Variants in SPIDR observed in about 807,000 individuals in gnomAD.
SPIDR encodes DNA repair-scaffolding protein.
Under a neutral mutation model 104.6 loss-of-function variants are expected in SPIDR, and 93 were observed. The ratio of observed to expected loss-of-function variants is 0.89; its 90% confidence interval spans 0.75 to 1.06. SPIDR has a LOEUF of 1.06. Among genes scored for constraint, SPIDR ranks in the 50% least tolerant of loss-of-function variants. The probability of loss-of-function intolerance (pLI) is 0.00; values close to 1 mark genes in which losing one functional copy is unlikely to be tolerated. For synonymous variants in SPIDR, 431 were observed against 416.9 expected (o/e 1.03, Z -0.41); for missense variants, 1,154 against 1,111.2 (o/e 1.04, Z -0.55).
intron 10 of SPIDR, among the ~76,000 whole-genome samples, chr8:47,617,085 C>T (rs1040819081): frequency 1.3e-5 from 2 of 152,030 alleles, no homozygotes; most frequent in South Asian, 4.1e-4. Context: ...AAAAGATTGC[C>T]TACATAAAAT....
Position 47,720,294 on chromosome 8 carries a change from G to A in SPIDR, c.2341+6653G>A, listed in dbSNP as rs77424851. Among the ~76,000 whole-genome samples, 1,721 of 152,322 alleles carry A rather than the reference G, an allele frequency of 0.011. 76 individuals are homozygous for A. In the East Asian group the frequency reaches 0.13, roughly 12 times the overall value. ...AATTATTAATGAGGCTGCAATAGAC[G>A]TTTGTGAAGGTTTTTGTGTGGGCAT... is the stretch of plus-strand genomic sequence containing the variant. On this transcript the variant is annotated intron_variant, in intron 16 of 19. Coordinates refer to ENST00000297423, the MANE Select transcript of SPIDR (RefSeq NM_001080394.4).
intron 8 of SPIDR, among the ~76,000 whole-genome samples, chr8:47,537,859 A>T (rs980331386): frequency 1.3e-5 from 2 of 152,166 alleles, no homozygotes; most frequent in African/African-American, 4.8e-5. Flanking sequence ...TACTCTAAAA[A>T]TTAGTATATT....
At chr8:47,542,897 A>G (rs1471231145) in intron 8 of SPIDR, among the ~76,000 whole-genome samples, 1 of 152,138 alleles carries the variant, frequency 6.6e-6, no homozygotes, top group Non-Finnish European at 1.5e-5. Context: ...TTATGTTCTT[A>G]TTATTTTGCA....
At chr8:47,448,602 A>AATT (rs1283830708) in intron 8 of SPIDR, among the ~76,000 whole-genome samples, 1 of 152,124 alleles carries the variant, frequency 6.6e-6, no homozygotes, top group Non-Finnish European at 1.5e-5. Context: ...TTGAGGAGGT[A>AATT]AGCACAGCCA....
At chr8:47,281,580 G>T (rs2037787815) in intron 2 of SPIDR, among the ~76,000 whole-genome samples, 2 of 152,238 alleles carry the variant, frequency 1.3e-5, no homozygotes, top group African/African-American at 4.8e-5. Context: ...TCATTGGTAA[G>T]AAGTAACTCT....
At chr8:47,470,662 C>T (rs980995767) in intron 8 of SPIDR, among the ~76,000 whole-genome samples, 1 of 152,174 alleles carries the variant, frequency 6.6e-6, no homozygotes. Context: ...TTGGAAATCC[C>T]TGTGCAAATT....
intron 5 of SPIDR, among the ~76,000 whole-genome samples, chr8:47,322,040 G>C (rs1433082810): frequency 6.6e-6 from 1 of 152,132 alleles, no homozygotes; most frequent in Admixed American, 6.5e-5. Flanking sequence ...CATGGGCAAG[G>C]ACTTCGTGTC....
chr8:47,704,171 T>A (rs959798389), intron 14 of SPIDR, among the ~76,000 whole-genome samples: 1 of 152,168 alleles, frequency 6.6e-6, no homozygotes, highest in Non-Finnish European at 1.5e-5. Flanking sequence ...GCACATAGAG[T>A]CTTGCCCACA....
At position 47,554,857 on chromosome 8, in the gene SPIDR, T is replaced by TC. The variant is rs1432802439; in HGVS notation, c.1098-40952dup. On this transcript the variant is annotated intron_variant, in intron 8 of 19. Coordinates refer to ENST00000297423, the MANE Select transcript of SPIDR (RefSeq NM_001080394.4). ...GCTTGGAGCTGTAGACTGGAGCTGT[T>TC]CCTATTCAGCCATCTTGGAACCTCC... is the stretch of plus-strand genomic sequence containing the variant. Among the ~76,000 whole-genome samples the TC allele has an allele frequency of 5.3e-5, 8 of 152,332 alleles. No individual in the cohort carries two copies. In the South Asian group the frequency reaches 1.7e-3, roughly 32 times the overall value.
chr8:47,705,244 G>A (rs2154485314), intron 14 of SPIDR, among the ~76,000 whole-genome samples: 2 of 152,334 alleles, frequency 1.3e-5, no homozygotes, highest in South Asian at 4.1e-4. Flanking sequence ...CCTCAGGGAG[G>A]TAGAGAAGAT....
intron 10 of SPIDR, among the ~76,000 whole-genome samples, chr8:47,652,753 T>C (rs2071902162): frequency 2.0e-5 from 3 of 152,218 alleles, no homozygotes; most frequent in Admixed American, 6.5e-5. Context: ...CAGTTTGATT[T>C]TTTTATTTGG....
intron 8 of SPIDR, among the ~76,000 whole-genome samples, chr8:47,551,451 T>C (rs976528294): frequency 4.6e-5 from 7 of 152,338 alleles, no homozygotes; most frequent in African/African-American, 1.7e-4. Flanking sequence ...TTTCAGAGCC[T>C]GTTATCAGTC....
intron 5 of SPIDR, among the ~76,000 whole-genome samples, chr8:47,381,913 C>T (rs1433422563): frequency 6.6e-6 from 1 of 152,182 alleles, no homozygotes; most frequent in Non-Finnish European, 1.5e-5. Context: ...AGTTTAGTTA[C>T]CATCCTCCCT....
intron 8 of SPIDR, among the ~76,000 whole-genome samples, chr8:47,487,769 G>A (rs966031817): frequency 3.3e-5 from 5 of 152,116 alleles, no homozygotes; most frequent in South Asian, 4.1e-4. Flanking sequence ...GGTACATAAC[G>A]AAATGAAGGC....
intron 11 of SPIDR, 44 bp downstream of exon 11, chr8:47,673,985 GTTCTTT>G (rs1448665321): frequency 6.3e-7 from 1 of 1,589,400 alleles, no homozygotes; most frequent in African/African-American, 1.4e-5. Context: ...ACAATTGTTG[GTTCTTT>G]TTCTTAGTCT....
intron 8 of SPIDR, among the ~76,000 whole-genome samples, chr8:47,505,373 C>T (rs1388603648): frequency 6.6e-6 from 1 of 152,162 alleles, no homozygotes; most frequent in Non-Finnish European, 1.5e-5. Context: ...CGCCTTGCAG[C>T]TTGATCTCAG....
intron 8 of SPIDR, among the ~76,000 whole-genome samples, chr8:47,454,973 A>G (rs1246630981): frequency 6.6e-6 from 1 of 152,218 alleles, no homozygotes; most frequent in African/African-American, 2.4e-5. Context: ...CTGATAGACA[A>G]AAAATGCTAC....
chr8:47,496,842 T>C (rs2079538541), intron 8 of SPIDR, among the ~76,000 whole-genome samples: 1 of 151,026 alleles, frequency 6.6e-6, no homozygotes, highest in Non-Finnish European at 1.5e-5. Context: ...GTTTGTTTGT[T>C]TGTCAGAAGT....
At chr8:47,367,673 C>A (rs1375317412) in intron 5 of SPIDR, among the ~76,000 whole-genome samples, 1 of 152,186 alleles carries the variant, frequency 6.6e-6, no homozygotes, top group Non-Finnish European at 1.5e-5. Context: ...CACATTGCCA[C>A]CCTTCCCATG....
Sources: gnomAD v4.1 joint callset for allele counts (sites outside exome capture counted in the v4.1 genomes callset) on GRCh38, gnomAD v4.1.1 for gene constraint, MANE v1.5 for transcripts, NCBI Gene and HGNC (gene_info 2026-07-23, HGNC 2026-07-21) for gene names.